The following SLC18A1 variants were observed in gnomAD, a reference collection of about 807,000 sequenced individuals.
SLC18A1 encodes the protein solute carrier family 18 member A1.
SLC18A1 carries 69 observed loss-of-function variants against 53.7 expected under a neutral mutation model. The observed-to-expected ratio is 1.28, with a 90% CI of 1.06 to 1.57. The LOEUF (loss-of-function observed/expected upper bound fraction) is 1.57, where lower values mean the gene tolerates loss of function less well. Among genes scored for constraint, SLC18A1 ranks in the 40% most tolerant of loss-of-function variants. The probability of loss-of-function intolerance (pLI) is 0.00; values close to 1 mark genes in which losing one functional copy is unlikely to be tolerated. For missense variants in SLC18A1, 932 were observed against 668.1 expected, an observed-to-expected ratio of 1.40 and a Z score of -4.35; for synonymous variants, 320 against 248.1, an observed-to-expected ratio of 1.29 and a Z score of -2.72.
intron 8 of SLC18A1, among the ~76,000 whole-genome samples, chr8:20,168,576 T>C (rs1484774221): frequency 6.6e-6 from 1 of 152,038 alleles, no homozygotes; most frequent in African/African-American, 2.4e-5. Context: ...ATTGCTTTTT[T>C]GTTTTTTAGA....
chr8:20,171,570 C>T (rs1348337622), intron 6 of SLC18A1, 76 bp from the exon 7 acceptor site: 9 of 1,211,814 alleles, frequency 7.4e-6, no homozygotes, highest in Admixed American at 5.1e-5. Context: ...ATATTTACCC[C>T]GTGAGCATTT....
chr8:20,171,071 A>G, intron 8 of SLC18A1, 32 bp downstream of exon 8: 1 of 1,611,310 alleles, frequency 6.2e-7, no homozygotes. Context: ...ATCCTGTATA[A>G]CTGTTAGAAA....
chr8:20,179,819 C>T (rs1462200829), intron 2 of SLC18A1, among the ~76,000 whole-genome samples: 2 of 152,234 alleles, frequency 1.3e-5, no homozygotes, highest in Non-Finnish European at 2.9e-5. Flanking sequence ...CTCTCCTACT[C>T]ACTTAGATTG....
chr8:20,168,167 A>G (rs1339917086), intron 8 of SLC18A1, among the ~76,000 whole-genome samples: 1 of 152,120 alleles, frequency 6.6e-6, no homozygotes, highest in African/African-American at 2.4e-5. Flanking sequence ...GGAGGCCAGG[A>G]GTTCAAGGCC....
chr8:20,145,623 G>A lies in SLC18A1; in HGVS notation c.*140C>T, dbSNP rs2071375408. ...AGGTGAGAAGAGTATCAGGGACAGT[G>A]TCCATGGGAGGGGAGGAAAGAAGAT... On this transcript the variant is annotated 3_prime_UTR_variant, in exon 16 of 16. Transcript: ENST00000276373. The A allele has an allele frequency of 1.8e-6, 1 of 545,754 alleles. No individual in the cohort carries two copies. Among genetic ancestry groups the A allele is most frequent in the South Asian group, 2.7e-5 (1 of 37,152 alleles). The allele number at this position is 545,754 out of a possible 1,614,324, so 33.8% of individuals were successfully genotyped here.
rs535517766 is a variant in SLC18A1 at position 20,155,154 on chromosome 8, G to A, written c.1016-4410C>T. ...CCCCAGGTCAGAGAACAAAAGGCTC[G>A]CTGCCATCTTAGGAGCAGCCCGCCC... On this transcript the variant is annotated intron_variant, in intron 10 of 15. Coordinates refer to ENST00000276373, the MANE Select transcript of SLC18A1 (RefSeq NM_003053.4). Among the ~76,000 whole-genome samples, 6 of 152,278 alleles carry A rather than the reference G, an allele frequency of 3.9e-5. No homozygotes were observed. In the East Asian group the frequency reaches 1.2e-3, roughly 29 times the overall value.
intron 10 of SLC18A1, among the ~76,000 whole-genome samples, 195 bp downstream of exon 10, chr8:20,164,674 T>C (rs1234223487): frequency 6.6e-6 from 1 of 152,130 alleles, no homozygotes; most frequent in Non-Finnish European, 1.5e-5. Flanking sequence ...GCCCCTTTCA[T>C]CCTCTCTCAC....
intron 3 of SLC18A1, 48 bp downstream of exon 3, chr8:20,179,073 T>A: frequency 6.5e-7 from 1 of 1,539,778 alleles, no homozygotes; most frequent in South Asian, 1.3e-5. Flanking sequence ...ACTTTTCTAG[T>A]CCTCCTACTC....
Position 20,181,061 on chromosome 8 carries a change from G to T in SLC18A1, c.-97C>A. 7.0e-7 allele frequency: 1 copy of T among 1,436,052 alleles called. No homozygotes were observed. The highest frequency in any genetic ancestry group is 9.3e-7 in the Non-Finnish European group (1 of 1,074,744). 89.0% of individuals were successfully genotyped at this position (1,436,052 alleles called of 1,614,324 possible). On this transcript the variant is annotated 5_prime_UTR_variant, in exon 2 of 16. Transcript: ENST00000276373. ...CTGCAGCCTTTATGGAAGAGGGGAGGGAGTCTGCCCAGACGAAGGAAACTC... is the reference window on the plus strand; with the variant it reads ...CTGCAGCCTTTATGGAAGAGGGGAGTGAGTCTGCCCAGACGAAGGAAACTC...
At chr8:20,157,896 T>C (rs1585199883) in intron 10 of SLC18A1, among the ~76,000 whole-genome samples, 1 of 152,174 alleles carries the variant, frequency 6.6e-6, no homozygotes, top group Non-Finnish European at 1.5e-5. Flanking sequence ...GCAAATCAAA[T>C]GCCTAATAGG....
chr8:20,169,548 C>T (rs2072057599), intron 8 of SLC18A1, among the ~76,000 whole-genome samples: 2 of 152,090 alleles, frequency 1.3e-5, no homozygotes, highest in Admixed American at 1.3e-4. Context: ...TGGCTCAAAA[C>T]ATTAGTAATA....
chr8:20,174,992 A>C (rs2072220790), intron 4 of SLC18A1, among the ~76,000 whole-genome samples: 1 of 152,250 alleles, frequency 6.6e-6, no homozygotes, highest in Non-Finnish European at 1.5e-5. Flanking sequence ...AGACAAAATC[A>C]GCAGGTATTA....
chr8:20,149,792 A>G, intron 11 of SLC18A1, 65 bp from the exon 12 acceptor site: 1 of 1,481,202 alleles, frequency 6.8e-7, no homozygotes, highest in Non-Finnish European at 9.4e-7. Context: ...GTACCCCATC[A>G]CCGCCATGCT....
rs774825769 is a variant in SLC18A1 at position 20,171,394 on chromosome 8, T to C, written c.814+11A>G. Reference sequence around the variant, plus strand: ...GGCTGTCACCTGCTGGAGGCTCTGATGGTGACTTACCTCCATCCAGTAGTG... The same window carrying C: ...GGCTGTCACCTGCTGGAGGCTCTGACGGTGACTTACCTCCATCCAGTAGTG... On this transcript the variant is annotated intron_variant, in intron 7 of 15. Transcript: ENST00000276373. The C allele has an allele frequency of 3.7e-6, 6 of 1,610,462 alleles. No homozygotes were observed. Among genetic ancestry groups the C allele is most frequent in the African/African-American group, 1.3e-5 (1 of 74,954 alleles).
intron 10 of SLC18A1, among the ~76,000 whole-genome samples, chr8:20,155,180 C>T (rs2071652494): frequency 1.3e-5 from 2 of 152,304 alleles, no homozygotes; most frequent in African/African-American, 2.4e-5. Context: ...CAGCCCGCCC[C>T]ATCTTGGGAG....
At chr8:20,180,371 A>C (rs371899625) in intron 2 of SLC18A1, among the ~76,000 whole-genome samples, 1 of 152,232 alleles carries the variant, frequency 6.6e-6, no homozygotes, top group Admixed American at 6.5e-5. Flanking sequence ...GAGAGTATCA[A>C]CTAAAAAAAG....
intron 11 of SLC18A1, 127 bp downstream of exon 11, chr8:20,150,539 T>C: frequency 3.6e-6 from 3 of 832,732 alleles, no homozygotes; most frequent in Non-Finnish European, 6.2e-6. Context: ...CAGTGGGAAG[T>C]TTTTATCGGT....
intron 8 of SLC18A1, among the ~76,000 whole-genome samples, chr8:20,166,333 A>ATATATAT: frequency 1.7e-5 from 1 of 57,336 alleles, no homozygotes; most frequent in South Asian, 5.9e-4. Flanking sequence ...ATATATATAC[A>ATATATAT]CCACCAGGTG....
In SLC18A1 at chr8:20,164,935, C is replaced by A. The variant is rs1474006211; in HGVS notation, c.949G>T (p.Ala317Ser). The stretch of plus-strand genomic sequence containing the variant: ...ATGGGCAGTGTGGGCTCCAGGATGG[C>A]CACCCCCATGTTGGCAAAGCAGATG... ...GSICFANMGV[A>S]ILEPTLPIWM... The change falls in exon 10 of 16, where the codon GCC becomes TCC. Residue 317 changes from alanine (A) to serine (S), a missense_variant. Transcript: ENST00000276373. The A allele has an allele frequency of 6.2e-7, 1 of 1,613,728 alleles. No homozygotes were observed. Among genetic ancestry groups the A allele is most frequent in the African/African-American group, 1.3e-5 (1 of 74,886 alleles).
Sources: gnomAD v4.1 joint callset for allele counts (sites outside exome capture counted in the v4.1 genomes callset) on GRCh38, gnomAD v4.1.1 for gene constraint, MANE v1.5 for transcripts, NCBI Gene and HGNC (gene_info 2026-07-23, HGNC 2026-07-21) for gene names.